Variants in INTS1 observed in about 807,000 individuals in gnomAD.
INTS1 encodes integrator complex subunit 1.
A neutral mutation model predicts 241.6 loss-of-function variants in INTS1; 137 were observed. That is an observed-to-expected ratio of 0.57 (90% CI 0.49 to 0.65). The LOEUF (loss-of-function observed/expected upper bound fraction) is 0.65. Among genes scored for constraint, INTS1 ranks in the 30% least tolerant of loss-of-function variants. The pLI is 0.00. For synonymous variants in INTS1, 1,692 were observed against 1,337.8 expected (o/e 1.26, Z -5.78); for missense variants, 3,073 against 3,032.2 (o/e 1.01, Z -0.32).
intron 41 of INTS1, 122 bp from the exon 42 acceptor site, chr7:1,473,815 C>T: frequency 7.9e-7 from 1 of 1,269,390 alleles, no homozygotes; most frequent in Non-Finnish European, 1.1e-6. Flanking sequence ...CCCCCTCTGC[C>T]AACCACTGGG....
chr7:1,480,563 C>T, intron 29 of INTS1, 122 bp from the exon 30 acceptor site: 2 of 1,161,130 alleles, frequency 1.7e-6, no homozygotes, highest in South Asian at 1.6e-5. Flanking sequence ...GAGCTCAGAC[C>T]TGGGCTCTGT....
intron 39 of INTS1, among the ~76,000 whole-genome samples, chr7:1,475,545 G>A (rs754420451): frequency 2.2e-4 from 33 of 152,134 alleles, no homozygotes; most frequent in Non-Finnish European, 3.7e-4. Context: ...AAGCGGGTAC[G>A]GGAGGCCCAG....
chr7:1,477,536 T>C lies in INTS1; in HGVS notation c.4938+14A>G. ...CTGGGGTGGGTCCCCGTGCTGAAGC[T>C]GGGTGCCACCCACCTTCCTCCGGGA... On this transcript the variant is annotated intron_variant, in intron 35 of 47. Transcript: ENST00000404767. The C allele has an allele frequency of 1.3e-6, 2 of 1,499,382 alleles. No homozygotes were observed. The highest frequency in any genetic ancestry group is 1.8e-6 in the Non-Finnish European group (2 of 1,125,560). 92.9% of individuals were successfully genotyped at this position (1,499,382 alleles called of 1,614,324 possible). A position where few individuals can be genotyped will look rare whatever the true frequency, so the allele number is the denominator to read the frequency against.
chr7:1,497,012 T>C lies in INTS1; in HGVS notation c.1602+126A>G. 2.0e-6 allele frequency: 2 copies of C among 982,034 alleles called. No individual in the cohort carries two copies. Among genetic ancestry groups the C allele is most frequent in the South Asian group, 1.7e-5 (1 of 59,312 alleles). 60.8% of individuals were successfully genotyped at this position (982,034 alleles called of 1,614,324 possible). ...GCGTCACCGCAAACAGCCTCACTCATCCCCGTACCCACGCTCAGCCAGAGC... is the reference window on the plus strand; with the variant it reads ...GCGTCACCGCAAACAGCCTCACTCACCCCCGTACCCACGCTCAGCCAGAGC... On this transcript the variant is annotated intron_variant, in intron 11 of 47. Coordinates refer to ENST00000404767, the MANE Select transcript of INTS1 (RefSeq NM_001080453.3). The surrounding 1 kb of genome is among the most constrained non-coding windows in gnomAD (Gnocchi z 5.3).
rs372034903 is a variant in INTS1, at chr7:1,476,844, G to A, written c.5013C>T (p.Pro1671=). The A allele has an allele frequency of 1.5e-5, 24 of 1,612,834 alleles. No individual in the cohort carries two copies. In the African/African-American group the frequency reaches 2.3e-4, roughly 15 times the overall value. The part of the protein sequence containing the change: ...LTLFTHQSSW[P]TLHQCIRVLL... ...GGACTCGGATGCACTGGTGCAGTGT[G>A]GGCCAGCTGGACTGATGCGTGAAGA... Residue 1671 remains proline, a synonymous_variant, in exon 36 of 48, where the codon CCC becomes CCT. Transcript: ENST00000404767.
Position 1,503,961 on chromosome 7 carries a change from C to G in INTS1, c.-1G>C. On this transcript the variant is annotated 5_prime_UTR_variant, in exon 2 of 48. Transcript: ENST00000404767. ...CCGTGGTGGGCTTGGCCCGGTTCAT[C>G]CTGCCCCGTCCCTCGCGGCTCCCGG... 1 of 1,553,356 alleles carries G rather than the reference C, an allele frequency of 6.4e-7. No individual in the cohort carries two copies. Among genetic ancestry groups the G allele is most frequent in the Non-Finnish European group, 8.7e-7 (1 of 1,150,278 alleles).
chr7:1,476,724 C>A, intron 36 of INTS1, 67 bp from the exon 37 acceptor site: 1 of 1,612,138 alleles, frequency 6.2e-7, no homozygotes, highest in Non-Finnish European at 8.5e-7. Flanking sequence ...CCAGTCAGAG[C>A]CGGCGCTGGG....
In INTS1 at chr7:1,498,337, C is replaced by T. The variant is rs756306894; in HGVS notation, c.1425+75G>A. On this transcript the variant is annotated intron_variant, in intron 10 of 47. Coordinates refer to ENST00000404767, the MANE Select transcript of INTS1 (RefSeq NM_001080453.3). The stretch of plus-strand genomic sequence containing the variant: ...AGCACTGCCAATCCACCGGCCTCCC[C>T]AGACGCCACGTGCCCCTCCAGCCCA... The T allele has an allele frequency of 1.3e-5, 21 of 1,573,124 alleles. No individual in the cohort carries two copies. The Admixed American group carries it at 3.1e-4, about 23-fold the overall frequency.
rs1292453004 is a variant in INTS1, at chr7:1,481,840, G to A, written c.3704-352C>T. On this transcript the variant is annotated intron_variant, in intron 27 of 47. Transcript: ENST00000404767. This position sits in a 1 kb window ranked among gnomAD's most constrained non-coding sequence, Gnocchi z 6.8. ...CTGGGGCCGCACAAGGGGGCAGCGT[G>A]TCGGGACCACCTTGCACCCTGGATG... Among the ~76,000 whole-genome samples, 4 of 152,110 alleles carry A rather than the reference G, an allele frequency of 2.6e-5. No individual in the cohort carries two copies. Among genetic ancestry groups the A allele is most frequent in the Non-Finnish European group, 1.5e-5 (1 of 68,004 alleles).
intron 24 of INTS1, 142 bp from the exon 25 acceptor site, chr7:1,484,312 C>T (rs954076605): frequency 6.2e-5 from 54 of 868,190 alleles, no homozygotes; most frequent in Middle Eastern, 3.4e-4. Flanking sequence ...AGCCGCAGGC[C>T]GCCAGGGAAG....
chr7:1,478,555 C>A, intron 32 of INTS1, 49 bp from the exon 33 acceptor site: 1 of 1,583,656 alleles, frequency 6.3e-7, no homozygotes, highest in Non-Finnish European at 8.6e-7. Flanking sequence ...CTCACCCCAT[C>A]GGTGTATCCC....
chr7:1,472,864 G>C (rs1028387115), intron 43 of INTS1, among the ~76,000 whole-genome samples: 3 of 152,106 alleles, frequency 2.0e-5, no homozygotes, highest in East Asian at 1.9e-4. Flanking sequence ...GCGATGTGCC[G>C]GGGGGCAGGT....
rs747424551 is a variant in INTS1, at chr7:1,481,244, G to A, written c.3850+98C>T. 71 of 1,411,560 alleles carry A rather than the reference G, an allele frequency of 5.0e-5. 1 individual carries two copies. Among genetic ancestry groups the A allele is most frequent in the Middle Eastern group, 3.5e-4 (2 of 5,784 alleles). 87.4% of individuals were successfully genotyped at this position (1,411,560 alleles called of 1,614,324 possible). ...GTGCCACCCACACCCACCCGACCTC[G>A]GATCACCCACCCGCTCGCACCCAGG... On this transcript the variant is annotated intron_variant, in intron 28 of 47. Transcript: ENST00000404767. The surrounding 1 kb of genome is among the most constrained non-coding windows in gnomAD (Gnocchi z 6.8).
At position 1,497,708 on chromosome 7, in the gene INTS1, C is replaced by T. The variant is rs1338199180; in HGVS notation, c.1426-394G>A. On this transcript the variant is annotated intron_variant, in intron 10 of 47. Coordinates refer to ENST00000404767, the MANE Select transcript of INTS1 (RefSeq NM_001080453.3). The surrounding 1 kb of genome is among the most constrained non-coding windows in gnomAD (Gnocchi z 5.3). Reference sequence around the variant, plus strand: ...AGGATCTGAAAGGACGCACTCCTGTCTCAAAATGCCAGGCCGCGAAGACTG... The same window carrying T: ...AGGATCTGAAAGGACGCACTCCTGTTTCAAAATGCCAGGCCGCGAAGACTG... 6.6e-6 allele frequency among the ~76,000 whole-genome samples: 1 copy of T among 152,234 alleles called. No homozygotes were observed. Among genetic ancestry groups the T allele is most frequent in the Non-Finnish European group, 1.5e-5 (1 of 68,038 alleles).
rs957057085 is a variant in INTS1 at position 1,476,462 on chromosome 7, C to T, written c.5152-7G>A. 31 of 1,527,214 alleles carry T rather than the reference C, an allele frequency of 2.0e-5. No individual in the cohort carries two copies. Among genetic ancestry groups the T allele is most frequent in the African/African-American group, 9.0e-5 (6 of 66,938 alleles). 94.6% of individuals were successfully genotyped at this position (1,527,214 alleles called of 1,614,324 possible). A position where few individuals can be genotyped will look rare whatever the true frequency, so the allele number is the denominator to read the frequency against. On this transcript the variant is annotated splice_region_variant and splice_polypyrimidine_tract_variant and intron_variant, in intron 37 of 47. Coordinates refer to ENST00000404767, the MANE Select transcript of INTS1 (RefSeq NM_001080453.3). ...CCAGCTCCTCCCGCCGCTTCTGTAA[C>T]GGGTGCCTGCATCAGCCCCGGAGCA... is the stretch of plus-strand genomic sequence containing the variant.
Position 1,478,893 on chromosome 7 carries a change from G to C in INTS1, c.4330-8C>G. The C allele has an allele frequency of 3.1e-6, 5 of 1,590,922 alleles. No individual in the cohort carries two copies. The highest frequency in any genetic ancestry group is 4.3e-6 in the Non-Finnish European group (5 of 1,163,148). ...GTCCTGTGGCACACAGCGCTGCGGG[G>C]ACAAAGTGGCACGTGGCTACCCTGG... On this transcript the variant is annotated splice_region_variant and splice_polypyrimidine_tract_variant and intron_variant, in intron 31 of 47. Coordinates refer to ENST00000404767, the MANE Select transcript of INTS1 (RefSeq NM_001080453.3).
intron 27 of INTS1, chr7:1,482,181 C>T (rs1056713724): frequency 5.3e-6 from 1 of 189,676 alleles, no homozygotes; most frequent in East Asian, 1.3e-4. Flanking sequence ...CTGGGGTCCC[C>T]GGCTGCAGCT....
At chr7:1,476,760 G>A (rs1490909845) in intron 36 of INTS1, 34 bp downstream of exon 36, 18 of 1,612,378 alleles carry the variant, frequency 1.1e-5, no homozygotes, top group African/African-American at 4.0e-5. Flanking sequence ...GCCAGTATGC[G>A]CGCAGCCCAG....
At position 1,485,395 on chromosome 7, in the gene INTS1, C is replaced by A. The variant is rs371090231; in HGVS notation, c.3051G>T (p.Val1017=). Residue 1017 remains valine, a synonymous_variant, in exon 23 of 48, where the codon GTG becomes GTT. Transcript: ENST00000404767. Reference sequence around the variant, plus strand: ...AGCCCTGCAGCACATCTGTGTCCCCCACATCCTCCTCCATGGGGGGCTCCT... The same window carrying A: ...AGCCCTGCAGCACATCTGTGTCCCCAACATCCTCCTCCATGGGGGGCTCCT... ...EEKEPPMEED[V]GDTDVLQGYQ... The A allele has an allele frequency of 6.2e-7, 1 of 1,612,856 alleles. No homozygotes were observed. Among genetic ancestry groups the A allele is most frequent in the African/African-American group, 1.3e-5 (1 of 75,068 alleles).
Sources: gnomAD v4.1 joint callset for allele counts (sites outside exome capture counted in the v4.1 genomes callset) on GRCh38, gnomAD v4.1.1 for gene constraint, Gnocchi (gnomAD v3.1) non-coding constraint, MANE v1.5 for transcripts, NCBI Gene and HGNC (gene_info 2026-07-23, HGNC 2026-07-21) for gene names.